The following KNL1 variants were observed in gnomAD, a reference collection of about 807,000 sequenced individuals.
The protein encoded by KNL1 is outer kinetochore KNL1 complex subunit KNL1.
A neutral mutation model predicts 201.3 loss-of-function variants in KNL1; 66 were observed. The ratio of observed to expected loss-of-function variants is 0.33; its 90% confidence interval spans 0.27 to 0.40. The LOEUF is 0.40. Among genes scored for constraint, KNL1 ranks in the 10% least tolerant of loss-of-function variants. The pLI, the probability that KNL1 is intolerant of heterozygous loss-of-function variation, is 1.00. For missense variants in KNL1, 2,815 were observed against 2,690.5 expected (o/e 1.05, Z -1.02); for synonymous variants, 895 against 899.2 (o/e 1.00, Z 0.08).
intron 13 of KNL1, among the ~76,000 whole-genome samples, chr15:40,633,964 A>G (rs1039443420): frequency 1.3e-5 from 2 of 152,212 alleles, no homozygotes; most frequent in Admixed American, 1.3e-4. Flanking sequence ...TGATAGCTCC[A>G]TGGGTGTTAT....
At position 40,624,707 on chromosome 15, in the gene KNL1, C is replaced by T. The variant is rs1407534717; in HGVS notation, c.4443C>T (p.Ser1481=). 2 of 1,612,952 alleles carry T rather than the reference C, an allele frequency of 1.2e-6. No homozygotes were observed. Among genetic ancestry groups the T allele is most frequent in the African/African-American group, 1.3e-5 (1 of 74,764 alleles). The change falls in exon 10 of 26, where the codon TCC becomes TCT. Residue 1481 remains serine (S), a synonymous_variant. Transcript: ENST00000399668. The part of the protein sequence containing the change: ...GNKSLNIIEN[S]SAPICENKPK... ...AGAGTTTAAATATTATAGAAAATTC[C>T]TCTGCACCCATATGTGAAAACAAGC... is the stretch of plus-strand genomic sequence containing the variant.
intron 1 of KNL1, among the ~76,000 whole-genome samples, chr15:40,602,337 C>T (rs1412465148): frequency 6.8e-6 from 1 of 146,738 alleles, no homozygotes; most frequent in Non-Finnish European, 1.5e-5. Context: ...GGGGTTTCAC[C>T]GTGTTAGCCA....
chr15:40,626,690 G>A (rs977759150), intron 10 of KNL1, among the ~76,000 whole-genome samples: 10 of 147,024 alleles, frequency 6.8e-5, no homozygotes, highest in African/African-American at 1.5e-4. Context: ...AGTGATTGTC[G>A]TGTCTCAGCC....
chr15:40,606,761 CTATT>C (rs1307310027), intron 4 of KNL1, among the ~76,000 whole-genome samples: 1 of 151,970 alleles, frequency 6.6e-6, no homozygotes, highest in African/African-American at 2.4e-5. Flanking sequence ...TCATACTTAG[CTATT>C]TATTTATTTA....
chr15:40,621,259 C>T lies in KNL1; in HGVS notation c.995C>T (p.Ala332Val). 2.5e-6 allele frequency: 4 copies of T among 1,613,868 alleles called. No individual in the cohort carries two copies. The highest frequency in any genetic ancestry group is 3.4e-6 in the Non-Finnish European group (4 of 1,179,890). The change falls in exon 10 of 26, where the codon GCA (alanine) becomes GTA (valine). Residue 332 changes from alanine to valine, a missense_variant. Physicochemically the swap from Ala to Val is moderately conservative, Grantham distance 64. Coordinates refer to ENST00000399668, the MANE Select transcript of KNL1 (RefSeq NM_144508.5). ...TFNHTLQILP[A>V]TGNFSEIENQ... ...AACCACACTTTGCAGATCTTACCTG[C>T]AACAGGTAATTTTTCTGAAATAGAA... is the stretch of plus-strand genomic sequence containing the variant.
chr15:40,660,190 CGAA>C (rs1567024716), intron 25 of KNL1, among the ~76,000 whole-genome samples: 2 of 151,932 alleles, frequency 1.3e-5, no homozygotes, highest in Non-Finnish European at 2.9e-5. Flanking sequence ...GGATTACAGG[CGAA>C]GAATTTTTTC....
At chr15:40,636,220 A>G (rs1893052408) in intron 13 of KNL1, among the ~76,000 whole-genome samples, 1 of 152,228 alleles carries the variant, frequency 6.6e-6, no homozygotes. Flanking sequence ...CTACTTAATC[A>G]TAGTAAGTCC....
chr15:40,657,376 G>A lies in KNL1; in HGVS notation c.6616G>A (p.Val2206Ile), dbSNP rs746870981. The change falls in exon 24 of 26, where the codon GTA becomes ATA. Residue 2206 changes from valine (V) to isoleucine (I), a missense_variant. Coordinates refer to ENST00000399668, the MANE Select transcript of KNL1 (RefSeq NM_144508.5). ...CTAGATGCTTGAAGAATTCTCACTG[G>A]TAGTGCACCATTGCAGACTCCTTGG... is the stretch of plus-strand genomic sequence containing the variant. Reference protein sequence around the residue: ...LPKMLEEFSLVVHHCRLLGEE... With the variant: ...LPKMLEEFSLIVHHCRLLGEE... 6.2e-7 allele frequency: 1 copy of A among 1,605,178 alleles called. No individual in the cohort carries two copies. The highest frequency in any genetic ancestry group is 1.1e-5 in the South Asian group (1 of 90,890).
rs112850166 is a variant in KNL1 at position 40,604,590 on chromosome 15, C to T, written c.36-520C>T. On this transcript the variant is annotated intron_variant, in intron 2 of 25. Coordinates refer to ENST00000399668, the MANE Select transcript of KNL1 (RefSeq NM_144508.5). ...TCAAAATTTTGTACAATCGGGTTTT[C>T]AGCTTCTCTTGAAAAATCAAGCGTG... 6.7e-3 allele frequency among the ~76,000 whole-genome samples: 1,026 copies of T among 152,252 alleles called. 4 individuals carry two copies. Among genetic ancestry groups the T allele is most frequent in the Middle Eastern group, 0.024 (7 of 294 alleles).
chr15:40,621,748 A>G lies in KNL1; in HGVS notation c.1484A>G (p.Asp495Gly), dbSNP rs1363229867. 1.1e-5 allele frequency: 17 copies of G among 1,613,724 alleles called. No individual in the cohort carries two copies. Among genetic ancestry groups the G allele is most frequent in the Non-Finnish European group, 1.4e-5 (17 of 1,179,800 alleles). ...ACCAAGAGTCATACAGTTGCAATAG[A>G]TAATCAAATTTTTAAACAAGATCAA... ...DITKSHTVAI[D>G]NQIFKQDQSN... The change falls in exon 10 of 26, where the codon GAT becomes GGT. Residue 495 changes from aspartate to glycine, a missense_variant. Asp to Gly is a moderately conservative substitution (Grantham distance 94). This residue lies in a region of KNL1 where 2,464 missense variants were observed against 2,291.7 expected (regional missense o/e 1.08). Transcript: ENST00000399668.
intron 10 of KNL1, chr15:40,625,892 C>A: frequency 2.5e-6 from 1 of 401,130 alleles, no homozygotes; most frequent in South Asian, 3.2e-5. Flanking sequence ...AAAAAGTAGC[C>A]AAAGTTAAAA....
In KNL1 at chr15:40,624,278, T is replaced by A; in HGVS notation, c.4014T>A (p.Asp1338Glu). 6.2e-7 allele frequency: 1 copy of A among 1,614,110 alleles called. No homozygotes were observed. The highest frequency in any genetic ancestry group is 8.5e-7 in the Non-Finnish European group (1 of 1,179,968). The change falls in exon 10 of 26, where the codon GAT becomes GAA. Residue 1338 changes from aspartate to glutamate, a missense_variant. Transcript: ENST00000399668. ...EKANYCPVQN[D>E]LAYANDFASE... ...CCAATTATTGCCCAGTGCAAAATGA[T>A]CTTGCTTATGCAAATGATTTTGCCA...
Position 40,605,140 on chromosome 15 carries a change from G to T in KNL1, c.66G>T (p.Arg22=). 1 of 1,463,140 alleles carries T rather than the reference G, an allele frequency of 6.8e-7. No homozygotes were observed. 90.6% of individuals were successfully genotyped at this position (1,463,140 alleles called of 1,614,324 possible). ...ATATAGAGAGACCTGTTAGAAGACG[G>T]CATTCTTCAGTAAGAAAGACTTTCT... ...NDNIERPVRR[R]HSSILKPPRS... The change falls in exon 3 of 26, where the codon CGG becomes CGT. Residue 22 remains arginine (R), a synonymous_variant. Coordinates refer to ENST00000399668, the MANE Select transcript of KNL1 (RefSeq NM_144508.5).
chr15:40,606,842 C>G (rs1891992170), intron 4 of KNL1, among the ~76,000 whole-genome samples: 1 of 152,198 alleles, frequency 6.6e-6, no homozygotes. Context: ...TCACTGCAAC[C>G]TCCTCCCCCT....
chr15:40,616,899 G>A (rs1892360876), intron 8 of KNL1, among the ~76,000 whole-genome samples: 1 of 152,112 alleles, frequency 6.6e-6, no homozygotes, highest in Admixed American at 6.5e-5. Flanking sequence ...ATTATTTGCA[G>A]TTCACTATAT....
chr15:40,648,495 T>G (rs945609405), intron 17 of KNL1, among the ~76,000 whole-genome samples: 1 of 152,170 alleles, frequency 6.6e-6, no homozygotes, highest in African/African-American at 2.4e-5. Context: ...CTTATGATGT[T>G]TCTCATCTTT....
Position 40,622,072 on chromosome 15 carries a change from C to T in KNL1, c.1808C>T (p.Ser603Phe). 1 of 1,614,002 alleles carries T rather than the reference C, an allele frequency of 6.2e-7. No homozygotes were observed. The highest frequency in any genetic ancestry group is 1.3e-5 in the African/African-American group (1 of 75,042). Residue 603 changes from serine to phenylalanine, a missense_variant, in exon 10 of 26, where the codon TCT becomes TTT. Physicochemically the swap from Ser to Phe is radical, Grantham distance 155. This residue lies in a region of KNL1 where 2,464 missense variants were observed against 2,291.7 expected (regional missense o/e 1.08). Coordinates refer to ENST00000399668, the MANE Select transcript of KNL1 (RefSeq NM_144508.5). Reference protein sequence around the residue: ...LAPESTSESHSQSKSSSDECE... With the variant: ...LAPESTSESHFQSKSSSDECE... ...CCGGAGAGTACCAGTGAATCTCACT[C>T]TCAGAGCAAAAGCTCTTCAGATGAA...
In KNL1 at chr15:40,659,461, G is replaced by C; in HGVS notation, c.6836G>C (p.Ser2279Thr). The C allele has an allele frequency of 1.2e-6, 2 of 1,612,478 alleles. No individual in the cohort carries two copies. The highest frequency in any genetic ancestry group is 1.7e-6 in the Non-Finnish European group (2 of 1,179,188). ...ATTCAGAATCACGTTGGGAACACTA[G>C]GTGAGTAAAGGGCCAACAGGGTAAG... ...STIQNHVGNT[S>T]QDDIATILSK... The change falls in exon 25 of 26, where the codon AGC (serine) becomes ACC (threonine). Residue 2279 changes from serine to threonine, a missense_variant and splice_region_variant. Physicochemically the swap from Ser to Thr is moderately conservative, Grantham distance 58 (BLOSUM62 1). Transcript: ENST00000399668.
Position 40,650,569 on chromosome 15 carries a change from A to G in KNL1, c.6198A>G (p.Glu2066=), listed in dbSNP as rs1458871212. ...AATTGGAACAGCTGAAAACTGAAGA[A>G]GAGGAGCTTCAAAGGTCAGCCTTCA... The part of the protein sequence containing the change: ...EKELEQLKTE[E]EELQRNLLEL... The change falls in exon 19 of 26, where the codon GAA becomes GAG. Residue 2066 remains glutamate, a synonymous_variant. Coordinates refer to ENST00000399668, the MANE Select transcript of KNL1 (RefSeq NM_144508.5). 11 of 1,562,698 alleles carry G rather than the reference A, an allele frequency of 7.0e-6. No homozygotes were observed. In the Admixed American group the frequency reaches 2.4e-4, roughly 34 times the overall value.
Sources: allele counts gnomAD v4.1 joint callset (sites outside exome capture counted in the v4.1 genomes callset), GRCh38; gene constraint gnomAD v4.1.1; regional missense constraint gnomAD v4.1.1; transcripts MANE v1.5; gene names NCBI Gene and HGNC (gene_info 2026-07-23, HGNC 2026-07-21).